The following IMP4 variants were observed in gnomAD, a reference collection of about 807,000 sequenced individuals.
IMP4 encodes U3 small nucleolar ribonucleoprotein IMP4.
IMP4 carries 30 observed loss-of-function variants against 42.7 expected under a neutral mutation model. The ratio of observed to expected loss-of-function variants is 0.70; its 90% CI spans 0.53 to 0.95. IMP4 has a LOEUF of 0.95. IMP4 is among the 40% of genes least tolerant of loss of function. The pLI is 0.00. For synonymous variants in IMP4, 165 were observed against 165.2 expected, an observed-to-expected ratio of 1.00 and a Z score of 0.01; for missense variants, 382 against 411.4, an observed-to-expected ratio of 0.93 and a Z score of 0.62.
rs754457920 is a variant in IMP4, at chr2:130,343,116, T to C, written c.34T>C (p.Tyr12His). The C allele has an allele frequency of 9.0e-6, 14 of 1,559,142 alleles. No homozygotes were observed. The highest frequency in any genetic ancestry group is 2.7e-5 in the African/African-American group (2 of 73,320). ...CCGCGAGGCCCGCCTGCGCCGCGAG[T>C]ACCTGTACCGCAAGGCCCGGGAGGA... ...LRREARLRRE[Y>H]LYRKAREEAQ... Residue 12 changes from tyrosine to histidine, a missense_variant, in exon 2 of 9, where the codon TAC (tyrosine) becomes CAC (histidine). Physicochemically the swap from Tyr to His is moderately conservative, Grantham distance 83. Coordinates refer to ENST00000259239, the MANE Select transcript of IMP4 (RefSeq NM_033416.3).
chr2:130,346,549 C>G lies in IMP4; in HGVS notation c.*81C>G, dbSNP rs1359528799. ...AGACAGACCCACCAGTAGGAACTGT[C>G]ACAGAATGGCCTGCTGAACTGGGAT... On this transcript the variant is annotated 3_prime_UTR_variant, in exon 9 of 9. Transcript: ENST00000259239. The G allele has an allele frequency of 4.2e-6, 4 of 961,262 alleles. No homozygotes were observed. In the Admixed American group the frequency reaches 6.0e-5, roughly 14 times the overall value. 59.5% of individuals were successfully genotyped at this position (961,262 alleles called of 1,614,324 possible).
At chr2:130,342,968 G>C in intron 1 of IMP4, 33 bp downstream of exon 1, 1 of 1,614,138 alleles carries the variant, frequency 6.2e-7, no homozygotes. Flanking sequence ...CGGAGGTCCG[G>C]GGCGCGTGAA....
rs1241451708 is a variant in IMP4, at chr2:130,345,435, A to G, written c.256A>G (p.Met86Val). 5 of 1,613,948 alleles carry G rather than the reference A, an allele frequency of 3.1e-6. No homozygotes were observed. The Admixed American group carries it at 6.7e-5, about 22-fold the overall frequency. ...GGCAGGAGTCGAGGATCCCAAGGTTATGATCACTACCTCCCGAGACCCCAG... is the reference window on the plus strand; with the variant it reads ...GGCAGGAGTCGAGGATCCCAAGGTTGTGATCACTACCTCCCGAGACCCCAG... ...RWAGVEDPKV[M>V]ITTSRDPSSR... Residue 86 changes from methionine to valine, a missense_variant, in exon 4 of 9, where the codon ATG becomes GTG. Coordinates refer to ENST00000259239, the MANE Select transcript of IMP4 (RefSeq NM_033416.3). This position sits in a 1 kb window ranked among gnomAD's most constrained non-coding sequence, Gnocchi z 4.9.
At chr2:130,343,027 C>G (rs1679148580) in intron 1 of IMP4, 59 bp from the exon 2 acceptor site, 3 of 1,605,464 alleles carry the variant, frequency 1.9e-6, no homozygotes, top group Non-Finnish European at 2.6e-6. Context: ...GGCTCCGGGG[C>G]TCCGGGGTTC....
intron 2 of IMP4, among the ~76,000 whole-genome samples, chr2:130,344,051 G>T (rs771449706): frequency 1.6e-4 from 24 of 152,232 alleles, no homozygotes; most frequent in South Asian, 4.1e-4. Context: ...TTTTAAGGCC[G>T]AGCGCTGTGG....
At position 130,345,622 on chromosome 2, in the gene IMP4, T is replaced by G. The variant is rs753824127; in HGVS notation, c.362T>G (p.Val121Gly). The change falls in exon 5 of 9, where the codon GTG becomes GGG. Residue 121 changes from valine (V) to glycine (G), a missense_variant. Val to Gly is a moderately radical substitution (Grantham distance 109). Transcript: ENST00000259239. This position sits in a 1 kb window ranked among gnomAD's most constrained non-coding sequence, Gnocchi z 4.9. ...AQRMNRGRHE[V>G]GALVRACKAN... ...CGAATGAACCGAGGTCGACATGAAG[T>G]GGGGGCACTGGTGCGAGCCTGCAAA... 6.2e-7 allele frequency: 1 copy of G among 1,613,946 alleles called. No individual in the cohort carries two copies. The highest frequency in any genetic ancestry group is 2.2e-5 in the East Asian group (1 of 44,848).
Position 130,345,733 on chromosome 2 carries a change from C to T in IMP4, c.439+34C>T, listed in dbSNP as rs920067853. 27 of 1,612,330 alleles carry T rather than the reference C, an allele frequency of 1.7e-5. No homozygotes were observed. In the African/African-American group the frequency reaches 2.5e-4, roughly 15 times the overall value. On this transcript the variant is annotated intron_variant, in intron 5 of 8. Transcript: ENST00000259239. The surrounding 1 kb of genome is among the most constrained non-coding windows in gnomAD (Gnocchi z 4.9). The stretch of plus-strand genomic sequence containing the variant: ...GGAGGGAGGGAGTCGGGGTGGGAGC[C>T]GTCTGAGGGCAGACGGGGTCTCTGA...
In IMP4 at chr2:130,344,083, C is replaced by G. The variant is rs190040690; in HGVS notation, c.113-546C>G. On this transcript the variant is annotated intron_variant, in intron 2 of 8. Coordinates refer to ENST00000259239, the MANE Select transcript of IMP4 (RefSeq NM_033416.3). ...GTGGCTCACGCCTGTAATCCCAGCA[C>G]TTTGGGAGGCCGAAGCGGGTGGATC... 6.0e-3 allele frequency among the ~76,000 whole-genome samples: 912 copies of G among 152,364 alleles called. 6 individuals carry two copies. Among genetic ancestry groups the G allele is most frequent in the African/African-American group, 0.02 (832 of 41,586 alleles).
Position 130,344,702 on chromosome 2 carries a change from T to C in IMP4, c.186T>C (p.Ala62=), listed in dbSNP as rs768600413. The C allele has an allele frequency of 3.1e-6, 5 of 1,612,150 alleles. No homozygotes were observed. In the South Asian group the frequency reaches 5.5e-5, roughly 18 times the overall value. The stretch of plus-strand genomic sequence containing the variant: ...AGGGGTCCCTGGAGTTTGATGATGC[T>C]GGAGGTGAAGGTAACTATACAAGGT... The part of the protein sequence containing the change: ...ALQGSLEFDD[A]GGEGVTSHVD... Residue 62 remains alanine, a synonymous_variant, in exon 3 of 9, where the codon GCT becomes GCC. Coordinates refer to ENST00000259239, the MANE Select transcript of IMP4 (RefSeq NM_033416.3).
rs1476367098 is a variant in IMP4 at position 130,346,597 on chromosome 2, G to A, written c.*129G>A. The A allele has an allele frequency of 4.1e-6, 3 of 740,522 alleles. No individual in the cohort carries two copies. The highest frequency in any genetic ancestry group is 1.7e-5 in the African/African-American group (1 of 57,830). 45.9% of individuals were successfully genotyped at this position (740,522 alleles called of 1,614,324 possible). A position where few individuals can be genotyped will look rare whatever the true frequency, so the allele number is the denominator to read the frequency against. On this transcript the variant is annotated 3_prime_UTR_variant, in exon 9 of 9. Coordinates refer to ENST00000259239, the MANE Select transcript of IMP4 (RefSeq NM_033416.3). Reference sequence around the variant, plus strand: ...GATGTGGAACTGTGGCGGGTGGAGAGGTCTGAATAAACCGTCTGTGTCATG... The same window carrying A: ...GATGTGGAACTGTGGCGGGTGGAGAAGTCTGAATAAACCGTCTGTGTCATG...
chr2:130,343,033 G>C, intron 1 of IMP4, 53 bp from the exon 2 acceptor site: 1 of 1,604,088 alleles, frequency 6.2e-7, no homozygotes, highest in Non-Finnish European at 8.5e-7. Flanking sequence ...GGGGCTCCGG[G>C]GTTCCGGGGC....
At chr2:130,344,007 TACAGA>T (rs1234356299) in intron 2 of IMP4, among the ~76,000 whole-genome samples, 1 of 152,182 alleles carries the variant, frequency 6.6e-6, no homozygotes, top group African/African-American at 2.4e-5. Flanking sequence ...CCATCATACG[TACAGA>T]ACAGTCTATA....
intron 2 of IMP4, among the ~76,000 whole-genome samples, chr2:130,344,130 C>T (rs1353991050): frequency 2.0e-5 from 3 of 152,204 alleles, no homozygotes; most frequent in African/African-American, 4.8e-5. Context: ...AGATCGAGAC[C>T]ATCCTGGCTA....
chr2:130,345,334 T>G lies in IMP4; in HGVS notation c.197-42T>G, dbSNP rs758100372. 3.9e-6 allele frequency: 6 copies of G among 1,519,796 alleles called. No homozygotes were observed. In the African/African-American group the frequency reaches 8.2e-5, roughly 21 times the overall value. The allele number at this position is 1,519,796 out of a possible 1,614,324, so 94.1% of individuals were successfully genotyped here. On this transcript the variant is annotated intron_variant, in intron 3 of 8. Transcript: ENST00000259239. This position sits in a 1 kb window ranked among gnomAD's most constrained non-coding sequence, Gnocchi z 4.9. ...TGGCTGCCCCGAAGTTAGCATTTCA[T>G]TCCCAAGACTGTCATGTTCTTGCCC...
At position 130,343,183 on chromosome 2, in the gene IMP4, G is replaced by A; in HGVS notation, c.101G>A (p.Arg34His). ...CAGGAGAGGAAGGAGCGGCTGCGGC[G>A]CGCGCTGGAAGGTAAGGCATCGGCC... ...SAQERKERLR[R>H]ALEENRLIPT... Residue 34 changes from arginine (R) to histidine (H), a missense_variant, in exon 2 of 9, where the codon CGC (arginine) becomes CAC (histidine). Physicochemically the swap from Arg to His is conservative, Grantham distance 29. Transcript: ENST00000259239. The A allele has an allele frequency of 6.5e-7, 1 of 1,548,090 alleles. No homozygotes were observed. Among genetic ancestry groups the A allele is most frequent in the Non-Finnish European group, 8.7e-7 (1 of 1,144,774 alleles).
At chr2:130,343,016 C>CGGCTCCGG (rs952496735) in intron 1 of IMP4, 70 bp from the exon 2 acceptor site, 25 of 1,607,964 alleles carry the variant, frequency 1.6e-5, no homozygotes, top group Admixed American at 8.4e-5. Flanking sequence ...GGAGGCTCAG[C>CGGCTCCGG]GGCTCCGGGG....
In IMP4 at chr2:130,346,102, A is replaced by C; in HGVS notation, c.679A>C (p.Ile227Leu). ...CACCTTCGCAAACCAGGACGACTAC[A>C]TATCATTCCGGTGGGTCCACGGGCC... is the stretch of plus-strand genomic sequence containing the variant. ...VITFANQDDY[I>L]SFRHHVYKKT... The change falls in exon 7 of 9, where the codon ATA (isoleucine) becomes CTA (leucine). Residue 227 changes from isoleucine to leucine, a missense_variant. Ile to Leu is a conservative substitution (Grantham distance 5). Transcript: ENST00000259239. 6.2e-7 allele frequency: 1 copy of C among 1,614,098 alleles called. No homozygotes were observed. The highest frequency in any genetic ancestry group is 8.5e-7 in the Non-Finnish European group (1 of 1,179,974).
At chr2:130,344,317 G>A (rs75444967) in intron 2 of IMP4, among the ~76,000 whole-genome samples, 3,609 of 150,968 alleles carry the variant, frequency 0.024, 141 homozygotes, top group African/African-American at 0.081. Context: ...GTGACAGAGC[G>A]AGACTCCGTC....
rs907822580 is a variant in IMP4 at position 130,346,888 on chromosome 2, G to A, written c.*420G>A. On this transcript the variant is annotated 3_prime_UTR_variant, in exon 9 of 9. Coordinates refer to ENST00000259239, the MANE Select transcript of IMP4 (RefSeq NM_033416.3). Reference sequence around the variant, plus strand: ...GAGTGGAAGCCGCCAGTGTGCCAACGCGGAGGGGACAGGCCACACCCAGTG... The same window carrying A: ...GAGTGGAAGCCGCCAGTGTGCCAACACGGAGGGGACAGGCCACACCCAGTG... The A allele has an allele frequency of 2.7e-5, 7 of 260,714 alleles. No homozygotes were observed. Among genetic ancestry groups the A allele is most frequent in the African/African-American group, 4.4e-5 (2 of 45,768 alleles). 16.2% of individuals were successfully genotyped at this position (260,714 alleles called of 1,614,324 possible). A position where few individuals can be genotyped will look rare whatever the true frequency, so the allele number is the denominator to read the frequency against.
Sources: allele counts gnomAD v4.1 joint callset (sites outside exome capture counted in the v4.1 genomes callset), GRCh38; gene constraint gnomAD v4.1.1; non-coding constraint Gnocchi (gnomAD v3.1); transcripts MANE v1.5; gene names NCBI Gene and HGNC (gene_info 2026-07-23, HGNC 2026-07-21).